The following SMIM31 variants were observed in gnomAD, a reference collection of about 807,000 sequenced individuals.
SMIM31 encodes human epithelial cell program regulator.
intron 2 of SMIM31, among the ~76,000 whole-genome samples, chr4:164,798,950 T>TC (rs1159751566): frequency 6.6e-6 from 1 of 152,138 alleles, no homozygotes; most frequent in Non-Finnish European, 1.5e-5. Flanking sequence ...GTTCCTGCTT[T>TC]CACCATGTGA....
At chr4:164,768,823 G>A (rs1732755964) in intron 1 of SMIM31, among the ~76,000 whole-genome samples, 4 of 152,204 alleles carry the variant, frequency 2.6e-5, no homozygotes, top group South Asian at 4.1e-4. Flanking sequence ...CTTTAGCAGA[G>A]TTAATAGTCT....
intron 2 of SMIM31, among the ~76,000 whole-genome samples, chr4:164,794,470 A>T (rs1314067946): frequency 1.3e-5 from 2 of 152,166 alleles, no homozygotes; most frequent in Non-Finnish European, 2.9e-5. Flanking sequence ...TAAAAAAACA[A>T]CATATAGAAC....
At chr4:164,759,946 C>T (rs1347430338) in intron 1 of SMIM31, among the ~76,000 whole-genome samples, 2 of 152,118 alleles carry the variant, frequency 1.3e-5, no homozygotes, top group East Asian at 3.8e-4. Context: ...GTAGACCACA[C>T]TGAGAAAGTA....
chr4:164,763,405 G>T lies in SMIM31; in HGVS notation c.-25-7014G>T, dbSNP rs750963704. Among the ~76,000 whole-genome samples, 3 of 152,072 alleles carry T rather than the reference G, an allele frequency of 2.0e-5. No individual in the cohort carries two copies. The East Asian group carries it at 5.8e-4, about 29-fold the overall frequency. On this transcript the variant is annotated intron_variant, in intron 1 of 2. Coordinates refer to ENST00000507311, the MANE Select transcript of SMIM31 (RefSeq NM_001352885.1). The stretch of plus-strand genomic sequence containing the variant: ...GAAAACTAAAGTGTACATCAGGAAG[G>T]ATGAGAATGTCTTTTAAAAGACATT...
At chr4:164,780,971 G>A (rs938749080) in intron 2 of SMIM31, among the ~76,000 whole-genome samples, 3 of 151,978 alleles carry the variant, frequency 2.0e-5, no homozygotes, top group Admixed American at 6.6e-5. Flanking sequence ...AACCACACCC[G>A]GCTATTTTTT....
chr4:164,768,291 AAGAG>A (rs1427301647), intron 1 of SMIM31, among the ~76,000 whole-genome samples: 1 of 150,520 alleles, frequency 6.6e-6, no homozygotes, highest in Non-Finnish European at 1.5e-5. Flanking sequence ...AAGAGAGGGA[AAGAG>A]AGAGAGAGAG....
At chr4:164,788,478 C>CTTTTTCTTTTTTTTTTTTTTTT (rs1733056135) in intron 2 of SMIM31, among the ~76,000 whole-genome samples, 3 of 58,168 alleles carry the variant, frequency 5.2e-5, no homozygotes, top group African/African-American at 2.2e-4. Context: ...TCTAATTTTT[C>CTTTTTCTTTTTTTTTTTTTTTT]TTTTTTTTTT....
intron 2 of SMIM31, among the ~76,000 whole-genome samples, chr4:164,790,544 T>G (rs1175163799): frequency 6.6e-6 from 1 of 152,146 alleles, no homozygotes; most frequent in East Asian, 1.9e-4. Context: ...AGGCTTAGTT[T>G]TCATTCTCAT....
intron 1 of SMIM31, among the ~76,000 whole-genome samples, chr4:164,760,378 T>C (rs1022507564): frequency 2.6e-5 from 4 of 152,068 alleles, no homozygotes; most frequent in Non-Finnish European, 5.9e-5. Flanking sequence ...TGAGTAGTAG[T>C]GCTTCAAATC....
At chr4:164,799,940 T>C (rs546495238) in intron 2 of SMIM31, among the ~76,000 whole-genome samples, 52 of 152,266 alleles carry the variant, frequency 3.4e-4, no homozygotes, top group Admixed American at 1.1e-3. Context: ...TCAAAGTAGA[T>C]AGAAGTAAAA....
Position 164,758,630 on chromosome 4 carries a change from G to GTTTTTT in SMIM31, c.-26+4235_-26+4240dup, listed in dbSNP as rs1210607914. 1.7e-4 allele frequency among the ~76,000 whole-genome samples: 16 copies of GTTTTTT among 96,642 alleles called. 1 individual carries two copies. The highest frequency in any genetic ancestry group is 3.0e-4 in the African/African-American group (7 of 23,132). The allele number at this position is 96,642 out of a possible 152,430, so 63.4% of individuals were successfully genotyped here. On this transcript the variant is annotated intron_variant, in intron 1 of 2. Coordinates refer to ENST00000507311, the MANE Select transcript of SMIM31 (RefSeq NM_001352885.1). ...CCATATATGTAGTTTTCCTTTTTTT[G>GTTTTTT]TTTTTTTTTTTTTTTTTTTTTGAGA... is the stretch of plus-strand genomic sequence containing the variant.
At chr4:164,771,193 T>C (rs1196109224) in intron 2 of SMIM31, among the ~76,000 whole-genome samples, 1 of 152,164 alleles carries the variant, frequency 6.6e-6, no homozygotes, top group African/African-American at 2.4e-5. Flanking sequence ...TACAACACTA[T>C]CATAACTAGG....
chr4:164,761,762 C>T (rs1313476720), intron 1 of SMIM31, among the ~76,000 whole-genome samples: 1 of 144,256 alleles, frequency 6.9e-6, no homozygotes, highest in African/African-American at 2.6e-5. Flanking sequence ...ACTAAAAATA[C>T]AAAAAAAAAA....
intron 2 of SMIM31, chr4:164,787,265 TATAAG>T (rs1168946493): frequency 6.6e-6 from 1 of 152,114 alleles, no homozygotes; most frequent in African/African-American, 2.4e-5. Flanking sequence ...TTTAAACTAC[TATAAG>T]ATGTTTAGAG....
At chr4:164,755,217 T>C (rs910713996) in intron 1 of SMIM31, among the ~76,000 whole-genome samples, 1 of 151,558 alleles carries the variant, frequency 6.6e-6, no homozygotes, top group Non-Finnish European at 1.5e-5. Context: ...CGGTGGCTCA[T>C]GCCTGTAATC....
intron 1 of SMIM31, among the ~76,000 whole-genome samples, chr4:164,759,986 A>C (rs1280058770): frequency 2.0e-5 from 3 of 152,186 alleles, no homozygotes; most frequent in Non-Finnish European, 4.4e-5. Flanking sequence ...TGAAGGAGGT[A>C]AGAGGGTAAG....
At chr4:164,784,899 G>GTT (rs112698821) in intron 2 of SMIM31, among the ~76,000 whole-genome samples, 6 of 146,234 alleles carry the variant, frequency 4.1e-5, no homozygotes, top group Non-Finnish European at 9.0e-5. Flanking sequence ...ATTTGTTTGG[G>GTT]TTTTTTTTTT....
intron 2 of SMIM31, among the ~76,000 whole-genome samples, chr4:164,793,850 T>C (rs1733140499): frequency 6.6e-6 from 1 of 151,790 alleles, no homozygotes; most frequent in South Asian, 2.1e-4. Flanking sequence ...ATAAATTAAC[T>C]CAAAATGGGT....
At chr4:164,775,676 A>G (rs768326679) in intron 2 of SMIM31, among the ~76,000 whole-genome samples, 7 of 152,214 alleles carry the variant, frequency 4.6e-5, no homozygotes, top group African/African-American at 1.7e-4. Flanking sequence ...GTCCCTATAT[A>G]TGACAAACTG....
Sources: gnomAD v4.1 joint callset for allele counts (sites outside exome capture counted in the v4.1 genomes callset) on GRCh38, gnomAD v4.1.1 for gene constraint, MANE v1.5 for transcripts, NCBI Gene and HGNC (gene_info 2026-07-23, HGNC 2026-07-21) for gene names.